UBE2L3: variants seen among roughly 807,000 people sequenced by gnomAD.
UBE2L3 encodes the protein ubiquitin-conjugating enzyme E2 L3.
A neutral mutation model predicts 17.8 loss-of-function variants in UBE2L3; 1 was observed. The observed-to-expected ratio is 0.06, with a 90% CI of 0.02 to 0.27. The LOEUF is 0.27. UBE2L3 is among the 10% of genes least tolerant of loss of function. The pLI, the probability that UBE2L3 is intolerant of heterozygous loss-of-function variation, is 1.00. For synonymous variants in UBE2L3, 44 were observed against 68.5 expected (o/e 0.64, Z 1.76); for missense variants, 40 against 192.6 (o/e 0.21, Z 4.69).
chr22:21,575,025 G>A (rs1927185486), intron 1 of UBE2L3, among the ~76,000 whole-genome samples: 1 of 151,942 alleles, frequency 6.6e-6, no homozygotes, highest in South Asian at 2.1e-4. Context: ...GGGAGGCTAA[G>A]GCAGGTGGAT....
At chr22:21,610,767 G>A (rs1295358000) in intron 2 of UBE2L3, 90 bp from the exon 3 acceptor site, 2 of 1,354,648 alleles carry the variant, frequency 1.5e-6, no homozygotes. Context: ...GAAATAAATT[G>A]ATTTTTCAGA....
At chr22:21,607,514 T>TAAAA (rs758366095) in intron 2 of UBE2L3, among the ~76,000 whole-genome samples, 1 of 108,976 alleles carries the variant, frequency 9.2e-6, no homozygotes, top group African/African-American at 3.5e-5. Context: ...GACTCCGTCT[T>TAAAA]AAAAAAAAAA....
At chr22:21,563,711 G>A (rs1267468096), upstream of UBE2L3, among the ~76,000 whole-genome samples, 6 of 150,768 alleles carry the variant, frequency 4.0e-5, no homozygotes, top group Non-Finnish European at 7.4e-5. Flanking sequence ...CAAGTAGCTG[G>A]GACTATAGGC....
At chr22:21,580,759 A>G (rs1452674793) in intron 1 of UBE2L3, among the ~76,000 whole-genome samples, 1 of 151,592 alleles carries the variant, frequency 6.6e-6, no homozygotes, top group African/African-American at 2.4e-5. Flanking sequence ...TAATTTTTGT[A>G]TTTTTAGTAG....
intron 2 of UBE2L3, 108 bp downstream of exon 2, chr22:21,593,064 G>GC: frequency 1.1e-6 from 1 of 915,986 alleles, no homozygotes. Flanking sequence ...TAGGCAGCCA[G>GC]CAGATGCACA....
At chr22:21,597,436 G>A (rs1186399222) in intron 2 of UBE2L3, among the ~76,000 whole-genome samples, 1 of 151,892 alleles carries the variant, frequency 6.6e-6, no homozygotes, top group African/African-American at 2.4e-5. Flanking sequence ...TGGCACTATA[G>A]GCACATGCTG....
intron 1 of UBE2L3, among the ~76,000 whole-genome samples, chr22:21,579,274 G>A (rs1359186257): frequency 6.6e-6 from 1 of 152,064 alleles, no homozygotes; most frequent in East Asian, 1.9e-4. Flanking sequence ...TTACAGGCGT[G>A]AGCCACCATG....
At chr22:21,614,741 C>T in intron 3 of UBE2L3, 1 of 943,372 alleles carries the variant, frequency 1.1e-6, no homozygotes, top group Non-Finnish European at 1.5e-6. Context: ...GCTATATCTA[C>T]CCAAGAGAAA....
At chr22:21,576,813 T>C (rs1303830859) in intron 1 of UBE2L3, among the ~76,000 whole-genome samples, 3 of 147,452 alleles carry the variant, frequency 2.0e-5, no homozygotes, top group African/African-American at 5.0e-5. Flanking sequence ...TTTTTTTTTT[T>C]TTTTTTTTGA....
chr22:21,567,175 T>C (rs1459188506), upstream of UBE2L3, among the ~76,000 whole-genome samples: 1 of 152,224 alleles, frequency 6.6e-6, no homozygotes, highest in East Asian at 1.9e-4. Context: ...CTTTTTTTTT[T>C]TCCCCCAAGA....
chr22:21,609,598 C>T (rs1374305759), intron 2 of UBE2L3, among the ~76,000 whole-genome samples: 1 of 152,046 alleles, frequency 6.6e-6, no homozygotes. Flanking sequence ...GTCTCAGCTA[C>T]TTGGGAGGCT....
intron 3 of UBE2L3, among the ~76,000 whole-genome samples, chr22:21,614,887 C>T (rs1929683379): frequency 6.7e-6 from 1 of 149,042 alleles, no homozygotes; most frequent in Non-Finnish European, 1.5e-5. Context: ...GGCGTGGTGG[C>T]TCACGCCTGT....
At chr22:21,603,022 A>C (rs1366920369) in intron 2 of UBE2L3, among the ~76,000 whole-genome samples, 1 of 152,156 alleles carries the variant, frequency 6.6e-6, no homozygotes, top group African/African-American at 2.4e-5. Context: ...GAGGGGCGGA[A>C]TATGGGCTGG....
intron 1 of UBE2L3, among the ~76,000 whole-genome samples, chr22:21,583,051 AC>A (rs1384567124): frequency 1.3e-5 from 2 of 152,126 alleles, no homozygotes; most frequent in African/African-American, 2.4e-5. Flanking sequence ...TTGGCCATGC[AC>A]CCTGGCTGAA....
chr22:21,606,892 G>C (rs527283116), intron 2 of UBE2L3, among the ~76,000 whole-genome samples: 5 of 152,050 alleles, frequency 3.3e-5, no homozygotes, highest in Non-Finnish European at 7.4e-5. Flanking sequence ...AGACCTGGAC[G>C]CGTGGCTTCA....
At chr22:21,577,328 C>T (rs552068648) in intron 1 of UBE2L3, among the ~76,000 whole-genome samples, 2 of 152,158 alleles carry the variant, frequency 1.3e-5, no homozygotes, top group South Asian at 4.2e-4. Context: ...TGGTCGTGAA[C>T]TCCTAACCTC....
intron 1 of UBE2L3, chr22:21,568,048 C>T (rs1339414205): frequency 3.9e-6 from 5 of 1,280,868 alleles, no homozygotes; most frequent in African/African-American, 1.6e-5. Flanking sequence ...GGCCGCGTCC[C>T]CCTGTCGCGG....
At chr22:21,607,352 C>CA (rs796650803) in intron 2 of UBE2L3, among the ~76,000 whole-genome samples, 4,285 of 137,746 alleles carry the variant, frequency 0.031, 195 homozygotes, top group African/African-American at 0.1. Context: ...ACTAAAAATA[C>CA]AAAAAAAAAA....
chr22:21,561,995 G>A (rs1236958286), intron 1 of UBE2L3, among the ~76,000 whole-genome samples: 34 of 152,116 alleles, frequency 2.2e-4, no homozygotes, highest in African/African-American at 6.3e-4. Flanking sequence ...TGCCCCAGCA[G>A]AGGCACTTTC....
Sources: allele counts gnomAD v4.1 joint callset (sites outside exome capture counted in the v4.1 genomes callset), GRCh38; gene constraint gnomAD v4.1.1; transcripts MANE v1.5; gene names NCBI Gene and HGNC (gene_info 2026-07-23, HGNC 2026-07-21).